The following PPP1R9A variants were observed in gnomAD, a reference collection of about 807,000 sequenced individuals.
PPP1R9A encodes the protein protein phosphatase 1 regulatory subunit 9A, also known as neurabin-1.
In PPP1R9A, 59 loss-of-function variants were observed where a neutral mutation model predicts 141.9. That is an observed-to-expected ratio of 0.42 (90% CI 0.34 to 0.52). The LOEUF (loss-of-function observed/expected upper bound fraction) is 0.52. Ranked by LOEUF, PPP1R9A falls within the 20% of genes least tolerant of loss-of-function variation. The pLI, the probability that PPP1R9A is intolerant of heterozygous loss-of-function variation, is 0.10. For synonymous variants in PPP1R9A, 500 were observed against 569.7 expected (o/e 0.88, Z 1.74); for missense variants, 1,444 against 1,611.9 (o/e 0.90, Z 1.78).
intron 2 of PPP1R9A, among the ~76,000 whole-genome samples, chr7:94,972,272 T>C (rs561463122): frequency 1.8e-4 from 28 of 152,372 alleles, no homozygotes; most frequent in South Asian, 6.2e-4. Context: ...GTTCTAGTTA[T>C]GTAAGTGGAT....
chr7:95,222,331 T>C (rs1794578216), intron 7 of PPP1R9A, among the ~76,000 whole-genome samples: 1 of 152,072 alleles, frequency 6.6e-6, no homozygotes. Context: ...CTTTAAAATA[T>C]GTTGAATGCA....
intron 4 of PPP1R9A, among the ~76,000 whole-genome samples, chr7:95,122,723 T>G (rs1215712904): frequency 1.3e-5 from 2 of 152,212 alleles, no homozygotes. Context: ...TGTCCCAAAT[T>G]AACTTATTAA....
chr7:95,074,456 C>CT (rs1391825182), intron 2 of PPP1R9A, among the ~76,000 whole-genome samples: 3 of 135,396 alleles, frequency 2.2e-5, no homozygotes, highest in Admixed American at 7.5e-5. Context: ...GACTACATTG[C>CT]TTTTTTTTGT....
intron 5 of PPP1R9A, among the ~76,000 whole-genome samples, chr7:95,172,764 G>T (rs775603258): frequency 4.3e-4 from 65 of 151,780 alleles, no homozygotes; most frequent in Non-Finnish European, 8.9e-4. Context: ...AGATTATTTT[G>T]TAGATGTTAT....
Position 95,293,397 on chromosome 7 carries a change from G to C in PPP1R9A, c.*3094G>C, listed in dbSNP as rs1806624186. ...TGATGAAGTCCCCCTTTAGTTTCAT[G>C]ACAATAAAGCTGTTCTGTGGCTATC... On this transcript the variant is annotated 3_prime_UTR_variant, in exon 20 of 20. Coordinates refer to ENST00000433360, the MANE Select transcript of PPP1R9A (RefSeq NM_001166160.2). The C allele has an allele frequency of 6.6e-6, 1 of 152,112 alleles. No individual in the cohort carries two copies. Among genetic ancestry groups the C allele is most frequent in the African/African-American group, 2.4e-5 (1 of 41,424 alleles). 9.4% of individuals were successfully genotyped at this position (152,112 alleles called of 1,614,324 possible).
chr7:94,929,031 TA>T (rs1254289570), intron 2 of PPP1R9A, among the ~76,000 whole-genome samples: 1 of 152,354 alleles, frequency 6.6e-6, no homozygotes, highest in African/African-American at 2.4e-5. Context: ...AAAAGATTGG[TA>T]AATGAATATA....
At chr7:95,215,861 T>G (rs1793275229) in intron 7 of PPP1R9A, among the ~76,000 whole-genome samples, 1 of 152,232 alleles carries the variant, frequency 6.6e-6, no homozygotes, top group African/African-American at 2.4e-5. Context: ...CTTTGTAGAT[T>G]CTGGATATTA....
chr7:94,931,383 G>T (rs1379027161), intron 2 of PPP1R9A, among the ~76,000 whole-genome samples: 1 of 152,078 alleles, frequency 6.6e-6, no homozygotes, highest in Non-Finnish European at 1.5e-5. Flanking sequence ...TATTGGCCCA[G>T]TGTCGTACAG....
chr7:95,241,055 C>T (rs1193641606), intron 8 of PPP1R9A, among the ~76,000 whole-genome samples: 1 of 152,106 alleles, frequency 6.6e-6, no homozygotes, highest in Non-Finnish European at 1.5e-5. Flanking sequence ...TATTTTCTAG[C>T]AGTCTGACAT....
At chr7:95,228,802 T>G (rs1795502910) in intron 8 of PPP1R9A, among the ~76,000 whole-genome samples, 1 of 152,204 alleles carries the variant, frequency 6.6e-6, no homozygotes, top group Non-Finnish European at 1.5e-5. Context: ...ATGGAATATA[T>G]TTGTTTAATT....
In PPP1R9A at chr7:95,082,357, C is replaced by A. The variant is rs1239793982; in HGVS notation, c.1396-28902C>A. On this transcript the variant is annotated intron_variant, in intron 2 of 19. Coordinates refer to ENST00000433360, the MANE Select transcript of PPP1R9A (RefSeq NM_001166160.2). ...CATGCTCGGAAAATACCTAAGAAGG[C>A]CCTCACCTTAGGCTGACCTTGAGGC... Among the ~76,000 whole-genome samples the A allele has an allele frequency of 3.9e-5, 6 of 152,080 alleles. No homozygotes were observed. In the East Asian group the frequency reaches 1.2e-3, roughly 29 times the overall value.
chr7:95,027,048 A>G (rs1335374022), intron 2 of PPP1R9A, among the ~76,000 whole-genome samples: 2 of 152,086 alleles, frequency 1.3e-5, no homozygotes. Flanking sequence ...GCTGAGCTAG[A>G]CCACTTGGCT....
intron 2 of PPP1R9A, among the ~76,000 whole-genome samples, chr7:94,931,113 G>T (rs529500301): frequency 6.6e-6 from 1 of 151,952 alleles, no homozygotes; most frequent in South Asian, 2.1e-4. Flanking sequence ...GGTCTATAAT[G>T]ATCTTAAAGT....
intron 2 of PPP1R9A, among the ~76,000 whole-genome samples, chr7:94,928,309 G>T (rs1390866766): frequency 6.6e-6 from 1 of 152,028 alleles, no homozygotes; most frequent in African/African-American, 2.4e-5. Context: ...GTATACATAG[G>T]AGTTGGAAAT....
At chr7:95,203,636 T>TA in intron 6 of PPP1R9A, 29 bp from the exon 7 acceptor site, 1 of 1,519,376 alleles carries the variant, frequency 6.6e-7, no homozygotes, top group African/African-American at 1.4e-5. Context: ...GGTTAAGCCT[T>TA]CTTTAATATT....
Position 95,161,954 on chromosome 7 carries a change from C to T in PPP1R9A, c.1737C>T (p.Asn579=). 6.2e-7 allele frequency: 1 copy of T among 1,608,234 alleles called. No homozygotes were observed. The highest frequency in any genetic ancestry group is 1.1e-5 in the South Asian group (1 of 90,458). ...ATTTTGCAGCAACAGTTCTCAGAAA[C>T]ACCAAGGGCAACGTCAGGTAAATAC... The part of the protein sequence containing the change: ...TQNFAATVLR[N]TKGNVRFVIG... The change falls in exon 5 of 20, where the codon AAC becomes AAT. Residue 579 remains asparagine, a synonymous_variant. Transcript: ENST00000433360.
chr7:95,176,044 G>A (rs573545912), intron 5 of PPP1R9A, among the ~76,000 whole-genome samples: 8 of 151,942 alleles, frequency 5.3e-5, no homozygotes, highest in Admixed American at 1.3e-4. Context: ...AACGACTGCA[G>A]GAATAATCAG....
At chr7:95,248,178 T>C (rs1224602313) in intron 9 of PPP1R9A, among the ~76,000 whole-genome samples, 1 of 61,936 alleles carries the variant, frequency 1.6e-5, no homozygotes, top group Non-Finnish European at 3.6e-5. Context: ...ATATACAATT[T>C]CAAAGATTTA....
chr7:94,923,846 T>C (rs1440542732), intron 2 of PPP1R9A, among the ~76,000 whole-genome samples: 1 of 152,202 alleles, frequency 6.6e-6, no homozygotes, highest in East Asian at 1.9e-4. Flanking sequence ...TTTTGTTTAA[T>C]GAGATGAGCA....
Sources: gnomAD v4.1 joint callset for allele counts (sites outside exome capture counted in the v4.1 genomes callset) on GRCh38, gnomAD v4.1.1 for gene constraint, MANE v1.5 for transcripts, NCBI Gene and HGNC (gene_info 2026-07-23, HGNC 2026-07-21) for gene names.